CPNE4: variants seen among roughly 807,000 people sequenced by gnomAD.
CPNE4 encodes copine 4, also known as copine-4.
In CPNE4, 25 loss-of-function variants were observed where a neutral mutation model predicts 67.9. The observed-to-expected ratio is 0.37, with a 90% CI of 0.27 to 0.51. The LOEUF is 0.51. Among genes scored for constraint, CPNE4 ranks in the 20% least tolerant of loss-of-function variants. The pLI, the probability that CPNE4 is intolerant of heterozygous loss-of-function variation, is 0.93. For missense variants in CPNE4, 464 were observed against 690.8 expected, an observed-to-expected ratio of 0.67 and a Z score of 3.68; for synonymous variants, 242 against 244.9, an observed-to-expected ratio of 0.99 and a Z score of 0.11.
intron 1 of CPNE4, among the ~76,000 whole-genome samples, chr3:131,997,045 C>G (rs996287407): frequency 1.3e-5 from 2 of 152,046 alleles, no homozygotes; most frequent in Admixed American, 6.6e-5. Context: ...TGCATTATTA[C>G]TGGAAACACC....
rs2088666157 is a variant in CPNE4, at chr3:131,904,360, A to AACTCAGACTGAGGTAACCATCCC, written c.180+881_180+903dup. On this transcript the variant is annotated intron_variant, in intron 2 of 15. Transcript: ENST00000429747. ...ATTCATCTTTCTCCAGTCCTCAACC[A>AACTCAGACTGAGGTAACCATCCC]ACTCAGACTGAGGTAACCATCCCAC... 2.0e-5 allele frequency among the ~76,000 whole-genome samples: 3 copies of AACTCAGACTGAGGTAACCATCCC among 152,154 alleles called. No homozygotes were observed. The South Asian group carries it at 6.2e-4, about 32-fold the overall frequency.
At chr3:131,880,799 C>A (rs1445342659) in intron 2 of CPNE4, among the ~76,000 whole-genome samples, 1 of 152,196 alleles carries the variant, frequency 6.6e-6, no homozygotes, top group Non-Finnish European at 1.5e-5. Flanking sequence ...ACATTAAGTA[C>A]CATTCTTTAG....
At chr3:131,623,419 T>G (rs1940581305) in intron 7 of CPNE4, among the ~76,000 whole-genome samples, 1 of 152,206 alleles carries the variant, frequency 6.6e-6, no homozygotes, top group Non-Finnish European at 1.5e-5. Flanking sequence ...TGTGCAATTC[T>G]GAGCTACCCA....
rs368770028 is a variant in CPNE4, at chr3:131,727,023, C to G, written c.181-3398G>C. On this transcript the variant is annotated intron_variant, in intron 2 of 15. Transcript: ENST00000429747. ...TAAATTCACATTGCTTTATTGTTTA[C>G]AGAACATGCTCACATCCATTTTTAA... Among the ~76,000 whole-genome samples, 5 of 152,316 alleles carry G rather than the reference C, an allele frequency of 3.3e-5. No homozygotes were observed. The East Asian group carries it at 9.6e-4, about 29-fold the overall frequency.
At chr3:131,905,576 A>G in intron 1 of CPNE4, 132 bp from the exon 2 acceptor site, 2 of 766,360 alleles carry the variant, frequency 2.6e-6, no homozygotes, top group Non-Finnish European at 2.1e-6. Context: ...TATTTATCTC[A>G]CTTTCCAACC....
chr3:131,927,631 G>A (rs2070934964), intron 1 of CPNE4, among the ~76,000 whole-genome samples: 3 of 152,198 alleles, frequency 2.0e-5, no homozygotes, highest in Admixed American at 2.0e-4. Context: ...TTTGTTAACT[G>A]ATGAATTAAT....
intron 1 of CPNE4, among the ~76,000 whole-genome samples, chr3:132,031,225 C>T (rs1294289357): frequency 1.3e-5 from 2 of 152,110 alleles, no homozygotes; most frequent in Non-Finnish European, 2.9e-5. Context: ...ATTTTGAATG[C>T]ATTTAAATTT....
At chr3:131,561,308 G>C (rs1032626160) in intron 11 of CPNE4, among the ~76,000 whole-genome samples, 4 of 151,896 alleles carry the variant, frequency 2.6e-5, no homozygotes. Context: ...AGGAGCTGGA[G>C]AAGTGCTACA....
intron 2 of CPNE4, among the ~76,000 whole-genome samples, chr3:131,865,382 T>C (rs377112099): frequency 2.7e-5 from 4 of 150,044 alleles, no homozygotes; most frequent in African/African-American, 9.9e-5. Flanking sequence ...GTAATGCATA[T>C]TAGTCCTTTT....
chr3:131,887,318 G>A (rs1488072260), intron 2 of CPNE4, among the ~76,000 whole-genome samples: 1 of 152,188 alleles, frequency 6.6e-6, no homozygotes, highest in African/African-American at 2.4e-5. Flanking sequence ...TGCCATGATT[G>A]TGAGGCTTCC....
At chr3:131,871,966 G>C (rs966717657) in intron 2 of CPNE4, among the ~76,000 whole-genome samples, 5 of 152,138 alleles carry the variant, frequency 3.3e-5, no homozygotes, top group Admixed American at 2.0e-4. Flanking sequence ...GCTACACCAA[G>C]ATATATCCTG....
At chr3:131,913,667 C>T (rs1358227718) in intron 1 of CPNE4, among the ~76,000 whole-genome samples, 1 of 152,208 alleles carries the variant, frequency 6.6e-6, no homozygotes, top group Non-Finnish European at 1.5e-5. Context: ...ACTTTCACTT[C>T]TGCTCTAAAC....
chr3:131,834,961 C>A (rs2108004096), intron 2 of CPNE4, among the ~76,000 whole-genome samples: 1 of 152,242 alleles, frequency 6.6e-6, no homozygotes, highest in South Asian at 2.1e-4. Flanking sequence ...AAAACAAATT[C>A]TATCTCACTA....
chr3:131,543,171 A>G (rs148555949), intron 14 of CPNE4: 3 of 173,536 alleles, frequency 1.7e-5, no homozygotes, highest in Admixed American at 1.1e-4. Context: ...AATTTATATG[A>G]TCTTCTTTAC....
At chr3:132,007,841 T>C (rs766804254) in intron 1 of CPNE4, among the ~76,000 whole-genome samples, 5 of 152,184 alleles carry the variant, frequency 3.3e-5, no homozygotes, top group Non-Finnish European at 5.9e-5. Flanking sequence ...CCCACCATCA[T>C]TGCCATATTC....
At chr3:132,018,566 GTCTA>G (rs2073933096) in intron 1 of CPNE4, among the ~76,000 whole-genome samples, 1 of 152,098 alleles carries the variant, frequency 6.6e-6, no homozygotes, top group African/African-American at 2.4e-5. Flanking sequence ...TCATCTTTAT[GTCTA>G]TCTGTCTGTG....
chr3:131,853,196 G>C (rs146197774), intron 2 of CPNE4, among the ~76,000 whole-genome samples: 4 of 151,788 alleles, frequency 2.6e-5, no homozygotes, highest in Non-Finnish European at 5.9e-5. Context: ...TAATCAAAAA[G>C]TGTGATACTG....
chr3:131,634,034 A>G (rs1327069987), intron 7 of CPNE4, among the ~76,000 whole-genome samples: 1 of 152,200 alleles, frequency 6.6e-6, no homozygotes, highest in Non-Finnish European at 1.5e-5. Context: ...GTGGAGCTAA[A>G]AAAATGCACA....
At chr3:131,946,486 G>A (rs535647629) in intron 1 of CPNE4, among the ~76,000 whole-genome samples, 6 of 152,240 alleles carry the variant, frequency 3.9e-5, no homozygotes, top group East Asian at 1.9e-4. Flanking sequence ...AGCCCTGAAC[G>A]TGGATGTACA....
Sources: gnomAD v4.1 joint callset for allele counts (sites outside exome capture counted in the v4.1 genomes callset) on GRCh38, gnomAD v4.1.1 for gene constraint, MANE v1.5 for transcripts, NCBI Gene and HGNC (gene_info 2026-07-23, HGNC 2026-07-21) for gene names.